Variants in CEP63 observed in about 807,000 individuals in gnomAD.
The protein encoded by CEP63 is centrosomal protein of 63 kDa.
CEP63 carries 84 observed loss-of-function variants against 89.1 expected under a neutral mutation model. The ratio of observed to expected loss-of-function variants is 0.94; its 90% CI spans 0.79 to 1.13. CEP63 has a LOEUF of 1.13. Ranked by LOEUF, CEP63 falls within the 50% of genes most tolerant of loss-of-function variation. The pLI is 0.00. For missense variants in CEP63, 838 were observed against 813.3 expected (o/e 1.03, Z -0.37); for synonymous variants, 267 against 272.5 (o/e 0.98, Z 0.20).
At chr3:134,633,357 A>G in the CEP63 span, among the ~76,000 whole-genome samples, 2 of 152,110 alleles carry the variant, frequency 1.3e-5, no homozygotes, top group African/African-American at 4.8e-5. Flanking sequence ...CTTCCACAAA[A>G]TATTACAACA....
chr3:134,732,153 C>CT, the CEP63 span, among the ~76,000 whole-genome samples: 1 of 152,170 alleles, frequency 6.6e-6, no homozygotes, highest in Non-Finnish European at 1.5e-5. Context: ...CTCTCATCAT[C>CT]TGTAAAGAAA....
At chr3:134,645,550 GA>G in the CEP63 span, among the ~76,000 whole-genome samples, 1 of 152,308 alleles carries the variant, frequency 6.6e-6, no homozygotes, top group East Asian at 1.9e-4. Context: ...TCAGAATCTC[GA>G]CATCAGAAAA....
At chr3:134,619,749 G>A in the CEP63 span, among the ~76,000 whole-genome samples, 1 of 152,348 alleles carries the variant, frequency 6.6e-6, no homozygotes, top group South Asian at 2.1e-4. Flanking sequence ...CCTGTGGTGA[G>A]GCCCTAAGGC....
intron 12 of CEP63, among the ~76,000 whole-genome samples, chr3:134,555,769 A>C (rs1956024230): frequency 6.6e-6 from 1 of 150,970 alleles, no homozygotes; most frequent in African/African-American, 2.4e-5. Context: ...ATTGGAAAAA[A>C]CTACTTTAAA....
At chr3:134,524,126 G>A (rs1475242774) in intron 3 of CEP63, among the ~76,000 whole-genome samples, 8 of 151,928 alleles carry the variant, frequency 5.3e-5, no homozygotes, top group Non-Finnish European at 8.8e-5. Flanking sequence ...ATATTCCTGG[G>A]TATTTTATTC....
At chr3:134,615,283 G>A in the CEP63 span, 148,239 of 151,710 alleles carry the variant, frequency 0.98, 72,505 homozygotes, top group East Asian at 1. Context: ...CTTGCCTGGG[G>A]ACACACAGCT....
At chr3:134,701,313 T>TAC in the CEP63 span, among the ~76,000 whole-genome samples, 1 of 48,726 alleles carries the variant, frequency 2.1e-5, no homozygotes, top group East Asian at 1.7e-3. Context: ...TACGTATATA[T>TAC]GTGTATATAT....
intron 3 of CEP63, among the ~76,000 whole-genome samples, chr3:134,507,728 CA>C (rs1943829328): frequency 6.6e-6 from 1 of 151,478 alleles, no homozygotes; most frequent in African/African-American, 2.4e-5. Context: ...AAAAACAAAA[CA>C]AAACACGTTT....
chr3:134,723,410 A>T, the CEP63 span, among the ~76,000 whole-genome samples: 3 of 152,188 alleles, frequency 2.0e-5, no homozygotes, highest in Non-Finnish European at 4.4e-5. Context: ...ACAAAGAAGG[A>T]TAAGAAATAC....
At chr3:134,534,889 T>C (rs56281326) in intron 5 of CEP63, among the ~76,000 whole-genome samples, 6,310 of 152,208 alleles carry the variant, frequency 0.041, 209 homozygotes, top group Non-Finnish European at 0.062. Context: ...GGGTTATATC[T>C]TCCTTTCTGT....
chr3:134,745,490 A>C, the CEP63 span, among the ~76,000 whole-genome samples: 2 of 152,214 alleles, frequency 1.3e-5, no homozygotes, highest in Non-Finnish European at 2.9e-5. Flanking sequence ...CCAGTCATCC[A>C]ACAAACATCT....
chr3:134,610,179 TG>T, the CEP63 span: 3 of 1,606,416 alleles, frequency 1.9e-6, no homozygotes, highest in Non-Finnish European at 2.6e-6. Context: ...CCAGCAGAAC[TG>T]AGACAAGTAC....
At chr3:134,544,873 G>A (rs1952887886) in intron 6 of CEP63, among the ~76,000 whole-genome samples, 1 of 151,970 alleles carries the variant, frequency 6.6e-6, no homozygotes, top group Non-Finnish European at 1.5e-5. Context: ...TTTGAGACAG[G>A]TTCTTACTTT....
chr3:134,557,403 T>TTTTTTTTTTTA (rs1956443156), intron 12 of CEP63, among the ~76,000 whole-genome samples: 1 of 128,130 alleles, frequency 7.8e-6, no homozygotes, highest in Admixed American at 8.6e-5. Flanking sequence ...TTTTTTTTTT[T>TTTTTTTTTTTA]TACAGAAAAG....
intron 3 of CEP63, among the ~76,000 whole-genome samples, chr3:134,526,321 CAGTGACTGTCTTATTTCAGAAAGCCA>C (rs1242762548): frequency 6.6e-6 from 1 of 151,902 alleles, no homozygotes; most frequent in Non-Finnish European, 1.5e-5. Flanking sequence ...TTTTGTCTGT[CAGTGACTGTCTTATTTCAGAAAGCCA>C]GTCTTCAGGC....
At position 134,561,984 on chromosome 3, in the gene CEP63, GGGGCTTGTTATTTACT is replaced by G. The variant is rs1179607855; in HGVS notation, c.*455_*470del. On this transcript the variant is annotated 3_prime_UTR_variant, in exon 15 of 15. Coordinates refer to ENST00000675561, the MANE Select transcript of CEP63 (RefSeq NM_001353108.3). ...CTGGTTTTGCCACTTACCAGCCAAC[GGGGCTTGTTATTTACT>G]GGGCTGGTAGCCCCTCCTAGCCAAG... 5 of 1,018,386 alleles carry G rather than the reference GGGGCTTGTTATTTACT, an allele frequency of 4.9e-6. No individual in the cohort carries two copies. Among genetic ancestry groups the G allele is most frequent in the Non-Finnish European group, 4.7e-6 (4 of 850,040 alleles). 63.1% of individuals were successfully genotyped at this position (1,018,386 alleles called of 1,614,324 possible). A position where few individuals can be genotyped will look rare whatever the true frequency, so the allele number is the denominator to read the frequency against.
intron 11 of CEP63, among the ~76,000 whole-genome samples, chr3:134,571,234 A>G (rs903660543): frequency 6.6e-6 from 1 of 152,242 alleles, no homozygotes; most frequent in Non-Finnish European, 1.5e-5. Flanking sequence ...CCCACTGGCA[A>G]GCATCTTGCC....
At chr3:134,592,469 GGTGTGTGTGTGT>G (rs34973626), downstream of CEP63, among the ~76,000 whole-genome samples, 2,298 of 125,202 alleles carry the variant, frequency 0.018, 61 homozygotes, top group African/African-American at 0.063. Flanking sequence ...TCTGCAAACT[GGTGTGTGTGTGT>G]GTGTGTGTGT....
chr3:134,507,735 C>T (rs147068649), intron 3 of CEP63, among the ~76,000 whole-genome samples: 82 of 151,740 alleles, frequency 5.4e-4, no homozygotes, highest in East Asian at 3.9e-4. Flanking sequence ...AAACAAAACA[C>T]GTTTACCATG....
Sources: gnomAD v4.1 joint callset for allele counts (sites outside exome capture counted in the v4.1 genomes callset) on GRCh38, gnomAD v4.1.1 for gene constraint, MANE v1.5 for transcripts, NCBI Gene and HGNC (gene_info 2026-07-23, HGNC 2026-07-21) for gene names.